Variants in SLCO6A1 observed in about 807,000 individuals in gnomAD.
SLCO6A1 encodes solute carrier organic anion transporter family member 6A1.
Under a neutral mutation model 72.7 loss-of-function variants are expected in SLCO6A1, and 65 were observed. The observed-to-expected ratio is 0.89, with a 90% CI of 0.73 to 1.10. SLCO6A1 has a LOEUF of 1.10. Among genes scored for constraint, SLCO6A1 ranks in the 50% least tolerant of loss-of-function variants. The pLI is 0.00. For synonymous variants in SLCO6A1, 314 were observed against 298.2 expected (o/e 1.05, Z -0.55); for missense variants, 874 against 872.6 (o/e 1.00, Z -0.02).
In SLCO6A1 at chr5:102,449,633, G is replaced by A. The variant is rs189921429; in HGVS notation, c.1131+8749C>T. On this transcript the variant is annotated intron_variant, in intron 6 of 13. Transcript: ENST00000506729. The stretch of plus-strand genomic sequence containing the variant: ...GATCTCCTGACCTCGTGATCCGCCC[G>A]CCTCGGCCCCCCAAAGTGCTGGGAT... Among the ~76,000 whole-genome samples the A allele has an allele frequency of 9.2e-3, 1,399 of 152,134 alleles. 11 individuals are homozygous for A. The highest frequency in any genetic ancestry group is 0.017 in the Middle Eastern group (5 of 294).
At chr5:102,391,581 G>A (rs1449575786) in intron 10 of SLCO6A1, among the ~76,000 whole-genome samples, 1 of 152,098 alleles carries the variant, frequency 6.6e-6, no homozygotes, top group Non-Finnish European at 1.5e-5. Flanking sequence ...AGTTACCCAG[G>A]GTGACAGTGT....
chr5:102,459,538 C>G lies in SLCO6A1; in HGVS notation c.1021+118G>C, dbSNP rs989247194. The G allele has an allele frequency of 1.1e-5, 13 of 1,181,068 alleles. 1 individual carries two copies. The African/African-American group carries it at 2.1e-4, about 19-fold the overall frequency. 73.2% of individuals were successfully genotyped at this position (1,181,068 alleles called of 1,614,324 possible). On this transcript the variant is annotated intron_variant, in intron 5 of 13. Coordinates refer to ENST00000506729, the MANE Select transcript of SLCO6A1 (RefSeq NM_173488.5). Reference sequence around the variant, plus strand: ...GACACTGTATCTCTATGACAAACCACTACAGCGAGAGGCATACTCATTTTA... The same window carrying G: ...GACACTGTATCTCTATGACAAACCAGTACAGCGAGAGGCATACTCATTTTA...
At position 102,498,010 on chromosome 5, in the gene SLCO6A1, G is replaced by A. The variant is rs1580537988; in HGVS notation, c.358+477C>T. Among the ~76,000 whole-genome samples the A allele has an allele frequency of 4.6e-5, 7 of 152,018 alleles. No homozygotes were observed. The East Asian group carries it at 1.4e-3, about 29-fold the overall frequency. ...TGACACCACCCAGACAAGTAATCTG[G>A]GTCAACTAGTTCTGCCATCCCACCC... On this transcript the variant is annotated intron_variant, in intron 1 of 13. Transcript: ENST00000506729.
chr5:102,441,329 T>G (rs1181700811), intron 6 of SLCO6A1, among the ~76,000 whole-genome samples: 1 of 152,210 alleles, frequency 6.6e-6, no homozygotes, highest in Non-Finnish European at 1.5e-5. Context: ...TCACATCTAC[T>G]GAACAATTAT....
At chr5:102,483,386 C>A (rs1283663135) in intron 1 of SLCO6A1, among the ~76,000 whole-genome samples, 2 of 152,178 alleles carry the variant, frequency 1.3e-5, no homozygotes, top group Non-Finnish European at 2.9e-5. Flanking sequence ...GCTACCATAG[C>A]ATACTTCTAC....
chr5:102,477,763 G>C lies in SLCO6A1; in HGVS notation c.715C>G (p.Gln239Glu). 1 of 1,613,680 alleles carries C rather than the reference G, an allele frequency of 6.2e-7. No homozygotes were observed. Among genetic ancestry groups the C allele is most frequent in the Non-Finnish European group, 8.5e-7 (1 of 1,179,780 alleles). The change falls in exon 3 of 14, where the codon CAG (glutamine) becomes GAG (glutamate). Residue 239 changes from glutamine (Q) to glutamate (E), a missense_variant. Coordinates refer to ENST00000506729, the MANE Select transcript of SLCO6A1 (RefSeq NM_173488.5). The stretch of plus-strand genomic sequence containing the variant: ...TAAAGAGGCATTCCTGCTATTCCCT[G>C]CACAGTCTGCCCAAGGATGAAGAAA... ...LSFFILGQTV[Q>E]GIAGMPLYIL...
intron 1 of SLCO6A1, among the ~76,000 whole-genome samples, chr5:102,496,203 GAA>G (rs1296206057): frequency 6.6e-6 from 1 of 152,200 alleles, no homozygotes. Flanking sequence ...CATGTATAGG[GAA>G]AGAGAAGGCG....
At chr5:102,417,343 G>A (rs1162125179) in intron 8 of SLCO6A1, among the ~76,000 whole-genome samples, 1 of 150,762 alleles carries the variant, frequency 6.6e-6, no homozygotes, top group Admixed American at 6.6e-5. Context: ...CATTTAATGT[G>A]ATTACTAATA....
intron 7 of SLCO6A1, among the ~76,000 whole-genome samples, chr5:102,427,864 ATTTTTTTT>A (rs1200200259): frequency 0.013 from 954 of 76,244 alleles, 12 homozygotes; most frequent in African/African-American, 0.043. Flanking sequence ...ATATATATAT[ATTTTTTTT>A]TTTTTTTTTT....
chr5:102,472,908 A>C (rs2112806107), intron 4 of SLCO6A1, among the ~76,000 whole-genome samples: 1 of 152,208 alleles, frequency 6.6e-6, no homozygotes, highest in African/African-American at 2.4e-5. Context: ...AGAAACATTC[A>C]ACCTACCAAC....
intron 1 of SLCO6A1, among the ~76,000 whole-genome samples, chr5:102,484,659 G>T (rs932143787): frequency 1.3e-5 from 2 of 151,532 alleles, no homozygotes; most frequent in Non-Finnish European, 2.9e-5. Context: ...AAAAAAAAAA[G>T]GTCATATTAT....
intron 4 of SLCO6A1, among the ~76,000 whole-genome samples, chr5:102,467,261 A>G (rs940140989): frequency 6.6e-6 from 1 of 152,110 alleles, no homozygotes; most frequent in Admixed American, 6.6e-5. Context: ...TACCAAAAAT[A>G]CAAAAACATT....
At chr5:102,421,125 G>C (rs894547979) in intron 7 of SLCO6A1, among the ~76,000 whole-genome samples, 6 of 152,164 alleles carry the variant, frequency 3.9e-5, no homozygotes, top group Non-Finnish European at 5.9e-5. Context: ...GCAATCCACA[G>C]ATAAGGAGAT....
chr5:102,432,952 T>C (rs191208217), intron 7 of SLCO6A1, among the ~76,000 whole-genome samples: 70 of 152,320 alleles, frequency 4.6e-4, no homozygotes, highest in African/African-American at 1.5e-3. Flanking sequence ...CATATTTTTG[T>C]TCATTTTGTT....
At chr5:102,481,361 T>C (rs1279901707) in intron 1 of SLCO6A1, among the ~76,000 whole-genome samples, 1 of 152,210 alleles carries the variant, frequency 6.6e-6, no homozygotes, top group Non-Finnish European at 1.5e-5. Context: ...CATTTATTCC[T>C]GAGCATAAAT....
At chr5:102,483,277 T>A (rs1752296960) in intron 1 of SLCO6A1, among the ~76,000 whole-genome samples, 2 of 152,168 alleles carry the variant, frequency 1.3e-5, no homozygotes, top group Non-Finnish European at 2.9e-5. Flanking sequence ...CTGGGCAATG[T>A]TTGGCAATAT....
At chr5:102,489,581 A>G (rs1194762300) in intron 1 of SLCO6A1, among the ~76,000 whole-genome samples, 2 of 152,218 alleles carry the variant, frequency 1.3e-5, no homozygotes, top group Non-Finnish European at 2.9e-5. Context: ...AATGGCTGTT[A>G]TCAAAAAGAC....
chr5:102,490,564 G>T (rs1463403345), intron 1 of SLCO6A1, among the ~76,000 whole-genome samples: 2 of 152,194 alleles, frequency 1.3e-5, no homozygotes, highest in Non-Finnish European at 2.9e-5. Flanking sequence ...TGAAACCGCG[G>T]ACCCTCACGG....
intron 9 of SLCO6A1, among the ~76,000 whole-genome samples, chr5:102,405,475 C>T (rs924726724): frequency 2.0e-5 from 3 of 151,668 alleles, no homozygotes; most frequent in Non-Finnish European, 4.4e-5. Context: ...ATTTGAATCA[C>T]CATACATATA....
Sources: gnomAD v4.1 joint callset for allele counts (sites outside exome capture counted in the v4.1 genomes callset) on GRCh38, gnomAD v4.1.1 for gene constraint, MANE v1.5 for transcripts, NCBI Gene and HGNC (gene_info 2026-07-23, HGNC 2026-07-21) for gene names.